CPQ: variants seen among roughly 807,000 people sequenced by gnomAD.
The protein encoded by CPQ is carboxypeptidase Q, also known as Ser-Met dipeptidase.
Under a neutral mutation model 45.7 loss-of-function variants are expected in CPQ, and 37 were observed. The observed-to-expected ratio is 0.81, with a 90% CI of 0.62 to 1.07. The LOEUF is 1.07. CPQ is among the 50% of genes least tolerant of loss of function. The pLI is 0.00. For missense variants in CPQ, 537 were observed against 572.9 expected, an observed-to-expected ratio of 0.94 and a Z score of 0.64; for synonymous variants, 186 against 205.8, an observed-to-expected ratio of 0.90 and a Z score of 0.82.
chr8:96,942,283 T>G (rs1448345367), intron 4 of CPQ, among the ~76,000 whole-genome samples: 1 of 152,186 alleles, frequency 6.6e-6, no homozygotes, highest in Non-Finnish European at 1.5e-5. Flanking sequence ...GAGTTTGGAT[T>G]TGCAAACCTT....
chr8:96,757,855 T>C (rs1425942414), intron 1 of CPQ, among the ~76,000 whole-genome samples: 2 of 152,172 alleles, frequency 1.3e-5, no homozygotes, highest in Non-Finnish European at 2.9e-5. Flanking sequence ...ACTTTTTCAT[T>C]CTTGAATTGT....
At chr8:96,707,696 T>C (rs1809552133) in intron 1 of CPQ, among the ~76,000 whole-genome samples, 1 of 152,134 alleles carries the variant, frequency 6.6e-6, no homozygotes, top group Non-Finnish European at 1.5e-5. Flanking sequence ...TGAATGATTT[T>C]TTTTTTTGGC....
intron 4 of CPQ, among the ~76,000 whole-genome samples, chr8:96,882,986 TG>T (rs1488853511): frequency 1.3e-5 from 2 of 152,190 alleles, no homozygotes; most frequent in African/African-American, 4.8e-5. Flanking sequence ...GAGCTATAGT[TG>T]TTTTTTAAAT....
Position 96,885,259 on chromosome 8 carries a change from AT to A in CPQ, c.849+5259del, listed in dbSNP as rs1289436964. On this transcript the variant is annotated intron_variant, in intron 4 of 7. Coordinates refer to ENST00000220763, the MANE Select transcript of CPQ (RefSeq NM_016134.4). Reference sequence around the variant, plus strand: ...CCAAACTCCTTTTTATAACAAACTCATTTTTGAGATAATTAACCCATTCCTT... The same window carrying A: ...CCAAACTCCTTTTTATAACAAACTCATTTTGAGATAATTAACCCATTCCTT... Among the ~76,000 whole-genome samples, 4 of 152,272 alleles carry A rather than the reference AT, an allele frequency of 2.6e-5. No homozygotes were observed. In the East Asian group the frequency reaches 7.7e-4, roughly 29 times the overall value.
intron 1 of CPQ, among the ~76,000 whole-genome samples, chr8:96,719,536 G>T (rs1247034333): frequency 6.6e-6 from 1 of 152,204 alleles, no homozygotes; most frequent in Non-Finnish European, 1.5e-5. Flanking sequence ...GGCTCCCACA[G>T]TGCAGCGGTG....
At chr8:97,079,486 A>G (rs1935787411) in intron 7 of CPQ, among the ~76,000 whole-genome samples, 1 of 152,192 alleles carries the variant, frequency 6.6e-6, no homozygotes, top group African/African-American at 2.4e-5. Flanking sequence ...TTATTATGTG[A>G]CCAATTTTCA....
chr8:96,981,530 A>G (rs987424874), intron 5 of CPQ, among the ~76,000 whole-genome samples: 1 of 152,200 alleles, frequency 6.6e-6, no homozygotes, highest in Non-Finnish European at 1.5e-5. Context: ...CTTTTCTGAA[A>G]GAGGGAAGTG....
chr8:96,879,305 T>C (rs547224423), intron 3 of CPQ, among the ~76,000 whole-genome samples: 6 of 152,380 alleles, frequency 3.9e-5, no homozygotes, highest in African/African-American at 1.4e-4. Flanking sequence ...CGTGGTGTTC[T>C]ACCACCAATG....
At chr8:97,080,151 G>C (rs80129139) in intron 7 of CPQ, among the ~76,000 whole-genome samples, 309 of 152,218 alleles carry the variant, frequency 2.0e-3, no homozygotes, top group Middle Eastern at 6.8e-3. Flanking sequence ...CATTTTCTTC[G>C]ATGTTTTGCT....
intron 7 of CPQ, among the ~76,000 whole-genome samples, chr8:97,073,751 C>G (rs1162919564): frequency 6.6e-6 from 1 of 152,078 alleles, no homozygotes; most frequent in Non-Finnish European, 1.5e-5. Flanking sequence ...CAGACTATAA[C>G]TAAGAAATAG....
intron 1 of CPQ, among the ~76,000 whole-genome samples, chr8:96,724,382 T>A (rs1037818889): frequency 5.9e-5 from 9 of 152,038 alleles, no homozygotes; most frequent in African/African-American, 1.9e-4. Context: ...TAATCCCCAA[T>A]GTGGTGGTAT....
chr8:96,974,259 G>A (rs947839348), intron 5 of CPQ, among the ~76,000 whole-genome samples: 4 of 152,082 alleles, frequency 2.6e-5, no homozygotes, highest in African/African-American at 9.7e-5. Flanking sequence ...ATCAACAGCA[G>A]TTTAAAAAGA....
chr8:96,842,646 T>C (rs981739495), intron 3 of CPQ, among the ~76,000 whole-genome samples: 1 of 152,212 alleles, frequency 6.6e-6, no homozygotes, highest in African/African-American at 2.4e-5. Context: ...GGAAAGCCTT[T>C]GTTAGAAATT....
chr8:96,753,746 C>G (rs991034880), intron 1 of CPQ, among the ~76,000 whole-genome samples: 1 of 151,788 alleles, frequency 6.6e-6, no homozygotes, highest in Non-Finnish European at 1.5e-5. Flanking sequence ...AACTTCTATT[C>G]TCTTTTGAAA....
intron 1 of CPQ, among the ~76,000 whole-genome samples, chr8:96,736,491 A>G (rs1358767905): frequency 6.6e-6 from 1 of 152,224 alleles, no homozygotes; most frequent in African/African-American, 2.4e-5. Flanking sequence ...TGCATAAGTC[A>G]TAGGGTCACT....
At chr8:97,123,129 A>G (rs184472327) in intron 7 of CPQ, among the ~76,000 whole-genome samples, 1 of 98,054 alleles carries the variant, frequency 1.0e-5, no homozygotes, top group Non-Finnish European at 1.8e-5. Context: ...TAAAATAAAT[A>G]AAATAAAATA....
intron 4 of CPQ, among the ~76,000 whole-genome samples, chr8:96,881,084 A>C (rs564515096): frequency 1.3e-5 from 2 of 152,292 alleles, no homozygotes; most frequent in African/African-American, 4.8e-5. Context: ...TTGAGATAAA[A>C]CCAATAGTTA....
At chr8:96,883,755 GA>G (rs780695310) in intron 4 of CPQ, among the ~76,000 whole-genome samples, 106 of 152,290 alleles carry the variant, frequency 7.0e-4, no homozygotes, top group Admixed American at 3.5e-3. Flanking sequence ...AGACTGCTTT[GA>G]TAACATTCCC....
At chr8:97,111,181 C>T (rs1811493051) in intron 7 of CPQ, among the ~76,000 whole-genome samples, 1 of 152,150 alleles carries the variant, frequency 6.6e-6, no homozygotes, top group Non-Finnish European at 1.5e-5. Context: ...CTTGGGTGTG[C>T]CTGATCTGTA....
Sources: gnomAD v4.1 joint callset for allele counts (sites outside exome capture counted in the v4.1 genomes callset) on GRCh38, gnomAD v4.1.1 for gene constraint, MANE v1.5 for transcripts, NCBI Gene and HGNC (gene_info 2026-07-23, HGNC 2026-07-21) for gene names.